The following PMP22 variants were observed in gnomAD, a reference collection of about 807,000 sequenced individuals.
The protein encoded by PMP22 is peripheral myelin protein 22, also known as Charcot-Marie-Tooth neuropathy 1A (greatly reduced nerve conduction velocity, hereditary motor sensory neuropathy Ia).
A neutral mutation model predicts 18.9 loss-of-function variants in PMP22; 2 were observed. The observed-to-expected ratio is 0.11, with a 90% CI of 0.04 to 0.33. PMP22 has a LOEUF of 0.33. Among genes scored for constraint, PMP22 ranks in the 10% least tolerant of loss-of-function variants. The probability of loss-of-function intolerance (pLI) is 1.00; values close to 1 mark genes in which losing one functional copy is unlikely to be tolerated. For missense variants in PMP22, 169 were observed against 202.2 expected (o/e 0.84, Z 1.00); for synonymous variants, 95 against 89.2 (o/e 1.07, Z -0.37).
At chr17:15,233,664 C>G (rs141571637) in intron 4 of PMP22, among the ~76,000 whole-genome samples, 19 of 152,360 alleles carry the variant, frequency 1.2e-4, no homozygotes, top group Admixed American at 5.2e-4. Flanking sequence ...GGGCCCTGTT[C>G]TAGCTGCTGC....
At chr17:15,234,513 T>A (rs556939302) in intron 4 of PMP22, among the ~76,000 whole-genome samples, 1 of 152,202 alleles carries the variant, frequency 6.6e-6, no homozygotes, top group Admixed American at 6.5e-5. Flanking sequence ...TCCCACTTCA[T>A]CCTCAGGGCA....
At position 15,230,339 on chromosome 17, in the gene PMP22, C is replaced by T. The variant is rs1378627897; in HGVS notation, c.*578G>A. 3 of 155,232 alleles carry T rather than the reference C, an allele frequency of 1.9e-5. No individual in the cohort carries two copies. Among genetic ancestry groups the T allele is most frequent in the Admixed American group, 6.3e-5 (1 of 15,880 alleles). The allele number at this position is 155,232 out of a possible 1,614,324, so 9.6% of individuals were successfully genotyped here. A position where few individuals can be genotyped will look rare whatever the true frequency, so the allele number is the denominator to read the frequency against. Reference sequence around the variant, plus strand: ...GCCAATGCCACAAGCCGTGTTTTTGCAAGGGCTCCAGTTTGGGCATTTTGT... The same window carrying T: ...GCCAATGCCACAAGCCGTGTTTTTGTAAGGGCTCCAGTTTGGGCATTTTGT... On this transcript the variant is annotated 3_prime_UTR_variant, in exon 5 of 5. Coordinates refer to ENST00000312280, the MANE Select transcript of PMP22 (RefSeq NM_000304.4).
At chr17:15,235,969 G>A (rs974154907) in intron 4 of PMP22, among the ~76,000 whole-genome samples, 17 of 151,468 alleles carry the variant, frequency 1.1e-4, no homozygotes, top group Non-Finnish European at 2.4e-4. Context: ...CATGTTGGCC[G>A]GGCTGGTCTT....
intron 3 of PMP22, among the ~76,000 whole-genome samples, chr17:15,252,719 G>A (rs1052348759): frequency 1.3e-5 from 2 of 152,212 alleles, no homozygotes; most frequent in African/African-American, 4.8e-5. Context: ...GCATGAAAAA[G>A]TTTATCAACT....
At chr17:15,232,151 A>G (rs554995603) in intron 4 of PMP22, among the ~76,000 whole-genome samples, 1 of 151,960 alleles carries the variant, frequency 6.6e-6, no homozygotes, top group African/African-American at 2.4e-5. Flanking sequence ...CCGGCCACCT[A>G]CATCTAACCT....
chr17:15,260,835 C>A lies in PMP22; in HGVS notation c.-34-74G>T, dbSNP rs1355172218. 8 of 1,046,060 alleles carry A rather than the reference C, an allele frequency of 7.6e-6. No homozygotes were observed. The Middle Eastern group carries it at 7.7e-4, about 100-fold the overall frequency. 64.8% of individuals were successfully genotyped at this position (1,046,060 alleles called of 1,614,324 possible). A position where few individuals can be genotyped will look rare whatever the true frequency, so the allele number is the denominator to read the frequency against. On this transcript the variant is annotated intron_variant, in intron 1 of 4. Transcript: ENST00000312280. The stretch of plus-strand genomic sequence containing the variant: ...CGGAGGCGCGCGCAGAGGGAGGGTC[C>A]CGCGCACTAGCGGAAGGCCCGGCCT...
intron 3 of PMP22, among the ~76,000 whole-genome samples, chr17:15,239,900 A>T (rs1457179089): frequency 6.6e-6 from 1 of 152,232 alleles, no homozygotes; most frequent in Non-Finnish European, 1.5e-5. Context: ...TACACATTAC[A>T]TACATATATA....
At position 15,261,227 on chromosome 17, in the gene PMP22, C is replaced by T. The variant is rs1909315972; in HGVS notation, c.-34-466G>A. On this transcript the variant is annotated intron_variant, in intron 1 of 4. Coordinates refer to ENST00000312280, the MANE Select transcript of PMP22 (RefSeq NM_000304.4). This position sits in a 1 kb window ranked among gnomAD's most constrained non-coding sequence, Gnocchi z 5.2. ...GTGAGGGGAGTAGGTGCCCAGATTTCCGTCTGAGACCTGGAGACAGCCGTG... is the reference window on the plus strand; with the variant it reads ...GTGAGGGGAGTAGGTGCCCAGATTTTCGTCTGAGACCTGGAGACAGCCGTG... 2 of 153,460 alleles carry T rather than the reference C, an allele frequency of 1.3e-5. No individual in the cohort carries two copies. Among genetic ancestry groups the T allele is most frequent in the South Asian group, 2.1e-4 (1 of 4,834 alleles). 9.5% of individuals were successfully genotyped at this position (153,460 alleles called of 1,614,324 possible). A position where few individuals can be genotyped will look rare whatever the true frequency, so the allele number is the denominator to read the frequency against.
At chr17:15,245,227 A>G (rs972128568) in intron 3 of PMP22, among the ~76,000 whole-genome samples, 9 of 152,260 alleles carry the variant, frequency 5.9e-5, no homozygotes, top group African/African-American at 2.2e-4. Flanking sequence ...TTCTAAGCTC[A>G]GATGATGCTG....
chr17:15,252,676 A>T (rs929347617), intron 3 of PMP22, among the ~76,000 whole-genome samples: 1 of 152,226 alleles, frequency 6.6e-6, no homozygotes, highest in African/African-American at 2.4e-5. Context: ...AAGTGATTCA[A>T]AAAGGGGCAC....
chr17:15,234,258 C>A (rs1906603125), intron 4 of PMP22, among the ~76,000 whole-genome samples: 1 of 152,172 alleles, frequency 6.6e-6, no homozygotes, highest in South Asian at 2.1e-4. Flanking sequence ...AGCGATGTCT[C>A]AGAAGCCAGG....
At chr17:15,252,293 G>C (rs1313730912) in intron 3 of PMP22, among the ~76,000 whole-genome samples, 1 of 152,204 alleles carries the variant, frequency 6.6e-6, no homozygotes, top group Non-Finnish European at 1.5e-5. Flanking sequence ...CAAGGGCTCA[G>C]GTTGGGGGCT....
At chr17:15,233,987 C>T (rs1032350633) in intron 4 of PMP22, among the ~76,000 whole-genome samples, 13 of 152,104 alleles carry the variant, frequency 8.5e-5, no homozygotes, top group East Asian at 1.9e-4. Context: ...CATGATCAGA[C>T]GCACGTTTTA....
intron 3 of PMP22, among the ~76,000 whole-genome samples, chr17:15,248,213 G>A (rs1401449013): frequency 2.0e-5 from 3 of 152,170 alleles, no homozygotes; most frequent in South Asian, 2.1e-4. Flanking sequence ...TGATTCATGC[G>A]GAAAGCAAAA....
rs576618192 is a variant in PMP22 at position 15,231,030 on chromosome 17, A to T, written c.370T>A (p.Trp124Arg). The T allele has an allele frequency of 2.5e-6, 4 of 1,613,950 alleles. No homozygotes were observed. The Admixed American group carries it at 5.0e-5, about 20-fold the overall frequency. The change falls in exon 5 of 5, where the codon TGG becomes AGG. Residue 124 changes from tryptophan (W) to arginine (R), a missense_variant. Physicochemically the swap from Trp to Arg is moderately radical, Grantham distance 101. Coordinates refer to ENST00000312280, the MANE Select transcript of PMP22 (RefSeq NM_000304.4). ...TAGGAGTAATCCGAGTTGAGATGCC[A>T]CTCCGGGTGCCTCACCGTGTAGATG... ...AAIYTVRHPEWHLNSDYSYGF... is the reference protein window; with the variant it reads ...AAIYTVRHPERHLNSDYSYGF...
At position 15,258,881 on chromosome 17, in the gene PMP22, G is replaced by A. The variant is rs1909057730; in HGVS notation, c.178+213C>T. The A allele has an allele frequency of 1.6e-6, 1 of 635,490 alleles. No homozygotes were observed. The highest frequency in any genetic ancestry group is 2.9e-6 in the Non-Finnish European group (1 of 348,760). 39.4% of individuals were successfully genotyped at this position (635,490 alleles called of 1,614,324 possible). ...GGCACTAAGGGCATGTCTCTAGGTA[G>A]AGTGAATCACAATGATGCCCAGGAT... On this transcript the variant is annotated intron_variant, in intron 3 of 4. Transcript: ENST00000312280. This position sits in a 1 kb window ranked among gnomAD's most constrained non-coding sequence, Gnocchi z 4.1.
intron 3 of PMP22, among the ~76,000 whole-genome samples, chr17:15,257,849 C>A (rs1344973909): frequency 1.3e-5 from 2 of 152,222 alleles, no homozygotes; most frequent in Non-Finnish European, 2.9e-5. Flanking sequence ...GTTTTCTACT[C>A]CTTGCGTATC....
intron 1 of PMP22, among the ~76,000 whole-genome samples, chr17:15,264,059 A>G (rs1226910376): frequency 6.6e-6 from 1 of 151,982 alleles, no homozygotes; most frequent in Admixed American, 6.5e-5. Context: ...TGAAGGAGAC[A>G]ATATGTACAA....
At chr17:15,239,937 T>C (rs777814767) in intron 3 of PMP22, among the ~76,000 whole-genome samples, 3 of 152,140 alleles carry the variant, frequency 2.0e-5, no homozygotes, top group Non-Finnish European at 4.4e-5. Context: ...TGCATACAAA[T>C]ATGTACGTGT....
Sources: gnomAD v4.1 joint callset for allele counts (sites outside exome capture counted in the v4.1 genomes callset) on GRCh38, gnomAD v4.1.1 for gene constraint, Gnocchi (gnomAD v3.1) non-coding constraint, MANE v1.5 for transcripts, NCBI Gene and HGNC (gene_info 2026-07-23, HGNC 2026-07-21) for gene names.